Variants in NCALD observed in about 807,000 individuals in gnomAD.
NCALD encodes the protein neurocalcin delta, also known as neurocalcin-delta.
Under a neutral mutation model 18.6 loss-of-function variants are expected in NCALD, and 10 were observed. The observed-to-expected ratio is 0.54, with a 90% CI of 0.33 to 0.91. The LOEUF is 0.91. Ranked by LOEUF, NCALD falls within the 40% of genes least tolerant of loss-of-function variation. The pLI, the probability that NCALD is intolerant of heterozygous loss-of-function variation, is 0.03. For missense variants in NCALD, 184 were observed against 247.6 expected, an observed-to-expected ratio of 0.74 and a Z score of 1.72; for synonymous variants, 88 against 87.4, an observed-to-expected ratio of 1.01 and a Z score of -0.04.
chr8:102,008,918 ACACACAC>A, intron 2 of NCALD, among the ~76,000 whole-genome samples: 1 of 3,924 alleles, frequency 2.5e-4, no homozygotes, highest in South Asian at 0.013. Context: ...CCGCCCCCCT[ACACACAC>A]ACACACACAC....
At chr8:101,929,275 G>C (rs1480526652) in intron 2 of NCALD, among the ~76,000 whole-genome samples, 1 of 44,998 alleles carries the variant, frequency 2.2e-5, no homozygotes, top group Non-Finnish European at 4.6e-5. Context: ...AAGGGATGGA[G>C]GGAGGGAGGG....
At chr8:101,705,867 C>T (rs964163188) in intron 2 of NCALD, among the ~76,000 whole-genome samples, 1 of 152,204 alleles carries the variant, frequency 6.6e-6, no homozygotes, top group Non-Finnish European at 1.5e-5. Context: ...TGAGATCCCA[C>T]TGTTCTGCCC....
chr8:102,018,693 C>G (rs984549622), intron 2 of NCALD, among the ~76,000 whole-genome samples: 1 of 152,118 alleles, frequency 6.6e-6, no homozygotes, highest in South Asian at 2.1e-4. Context: ...CAAAATGCAT[C>G]AAACCATGTA....
chr8:101,896,051 C>T (rs1039098426), intron 3 of NCALD, among the ~76,000 whole-genome samples: 43 of 151,098 alleles, frequency 2.8e-4, no homozygotes, highest in South Asian at 1.0e-3. Flanking sequence ...GAGCCCGCAT[C>T]GCCAAGTCAA....
intron 2 of NCALD, among the ~76,000 whole-genome samples, chr8:101,966,453 A>G (rs1036979712): frequency 1.4e-5 from 2 of 139,722 alleles, no homozygotes; most frequent in African/African-American, 2.7e-5. Context: ...GGACACAGGA[A>G]GGGGAACATC....
At chr8:102,054,673 G>T (rs940116312) in intron 1 of NCALD, among the ~76,000 whole-genome samples, 1 of 91,206 alleles carries the variant, frequency 1.1e-5, no homozygotes, top group East Asian at 3.4e-4. Context: ...TAGATAGATA[G>T]ATAGATAGAT....
chr8:102,003,777 C>A (rs1821581845), intron 2 of NCALD, among the ~76,000 whole-genome samples: 1 of 152,276 alleles, frequency 6.6e-6, no homozygotes, highest in East Asian at 1.9e-4. Flanking sequence ...ATGACAAAAA[C>A]CACATGATTA....
intron 2 of NCALD, among the ~76,000 whole-genome samples, chr8:102,006,003 C>T (rs915589335): frequency 6.6e-6 from 1 of 150,920 alleles, no homozygotes; most frequent in African/African-American, 2.4e-5. Flanking sequence ...ACGTTGTGCA[C>T]ATGTACCCTA....
At chr8:101,771,412 T>G (rs942422319) in intron 1 of NCALD, among the ~76,000 whole-genome samples, 4 of 152,212 alleles carry the variant, frequency 2.6e-5, no homozygotes, top group Non-Finnish European at 4.4e-5. Context: ...TTACTCAAGA[T>G]AAAACAGTCA....
chr8:102,043,448 T>C (rs941245090), intron 1 of NCALD, among the ~76,000 whole-genome samples: 1 of 151,734 alleles, frequency 6.6e-6, no homozygotes, highest in African/African-American at 2.4e-5. Context: ...TAAACATTAA[T>C]AGACTGACAT....
intron 4 of NCALD, among the ~76,000 whole-genome samples, chr8:101,820,750 G>A (rs141671191): frequency 6.6e-4 from 101 of 152,260 alleles, no homozygotes; most frequent in African/African-American, 2.2e-3. Flanking sequence ...AGGTTAAACC[G>A]AAGCTACAAA....
At chr8:101,704,724 C>G (rs989093675) in intron 2 of NCALD, among the ~76,000 whole-genome samples, 1 of 150,980 alleles carries the variant, frequency 6.6e-6, no homozygotes, top group Non-Finnish European at 1.5e-5. Context: ...TCAAGACCAG[C>G]CTGGCCAACA....
At chr8:102,076,381 T>C (rs2132314391) in intron 1 of NCALD, among the ~76,000 whole-genome samples, 2 of 152,286 alleles carry the variant, frequency 1.3e-5, no homozygotes, top group South Asian at 4.1e-4. Flanking sequence ...CCTGGGCAGA[T>C]GCTGAACCAC....
At chr8:101,733,699 T>G (rs6468791) in intron 1 of NCALD, among the ~76,000 whole-genome samples, 1 of 151,876 alleles carries the variant, frequency 6.6e-6, no homozygotes, top group Non-Finnish European at 1.5e-5. Context: ...AAAAAGAGCA[T>G]GAAAGTGATA....
chr8:102,024,574 G>C (rs1822389405), intron 1 of NCALD, among the ~76,000 whole-genome samples: 1 of 152,082 alleles, frequency 6.6e-6, no homozygotes, highest in Non-Finnish European at 1.5e-5. Context: ...TCATCACATA[G>C]CCAGGAGCCT....
At chr8:101,907,969 A>G (rs1817665547) in intron 3 of NCALD, among the ~76,000 whole-genome samples, 1 of 152,200 alleles carries the variant, frequency 6.6e-6, no homozygotes, top group Non-Finnish European at 1.5e-5. Context: ...GGCTCCCCCC[A>G]TTCTTTAAAA....
At chr8:102,019,549 ATC>A (rs1822203533) in intron 2 of NCALD, among the ~76,000 whole-genome samples, 1 of 152,188 alleles carries the variant, frequency 6.6e-6, no homozygotes, top group Admixed American at 6.5e-5. Flanking sequence ...CAAAGAAAAC[ATC>A]TGGCCCAAAC....
At chr8:101,818,833 C>A (rs1813604555) in intron 4 of NCALD, among the ~76,000 whole-genome samples, 1 of 151,908 alleles carries the variant, frequency 6.6e-6, no homozygotes, top group Admixed American at 6.6e-5. Context: ...GGTGAAACCC[C>A]ATCTCTACTA....
chr8:101,862,252 T>A (rs1304587199), intron 4 of NCALD, among the ~76,000 whole-genome samples: 1 of 152,204 alleles, frequency 6.6e-6, no homozygotes, highest in Non-Finnish European at 1.5e-5. Flanking sequence ...TTAGTTGCAA[T>A]TTTTCAGGAA....
Sources: gnomAD v4.1 joint callset for allele counts (sites outside exome capture counted in the v4.1 genomes callset) on GRCh38, gnomAD v4.1.1 for gene constraint, MANE v1.5 for transcripts, NCBI Gene and HGNC (gene_info 2026-07-23, HGNC 2026-07-21) for gene names.